Variants in ZNF236 observed in about 807,000 individuals in gnomAD.
ZNF236 encodes the protein zinc finger protein 236.
In ZNF236, 50 loss-of-function variants were observed where a neutral mutation model predicts 191.2. That is an observed-to-expected ratio of 0.26 (90% CI 0.21 to 0.33). The LOEUF (loss-of-function observed/expected upper bound fraction) is 0.33. Ranked by LOEUF, ZNF236 falls within the 10% of genes least tolerant of loss-of-function variation. The pLI is 1.00. For missense variants in ZNF236, 1,754 were observed against 2,374.5 expected (o/e 0.74, Z 5.43); for synonymous variants, 907 against 928.8 (o/e 0.98, Z 0.43).
intron 1 of ZNF236, among the ~76,000 whole-genome samples, chr18:76,832,107 T>G (rs1276008827): frequency 2.6e-5 from 4 of 152,364 alleles, no homozygotes; most frequent in African/African-American, 7.2e-5. Flanking sequence ...TGAGACAGGG[T>G]CTCGCTCTGT....
intron 3 of ZNF236, among the ~76,000 whole-genome samples, chr18:76,862,768 A>G (rs547721016): frequency 5.9e-5 from 9 of 152,162 alleles, no homozygotes; most frequent in African/African-American, 1.9e-4. Context: ...TGGTCCTTAC[A>G]CTGCATCTGA....
chr18:76,838,369 C>T (rs539730447), intron 1 of ZNF236, among the ~76,000 whole-genome samples: 17 of 152,268 alleles, frequency 1.1e-4, no homozygotes, highest in African/African-American at 4.1e-4. Flanking sequence ...TGCATGTAAA[C>T]CTTTAATGCC....
At chr18:76,923,272 T>G (rs1023178130) in intron 21 of ZNF236, 98 bp downstream of exon 21, 1 of 776,516 alleles carries the variant, frequency 1.3e-6, no homozygotes, top group African/African-American at 1.8e-5. Flanking sequence ...CTTTCCAAAT[T>G]ATAGAACGCT....
intron 3 of ZNF236, among the ~76,000 whole-genome samples, chr18:76,861,675 T>A (rs543128566): frequency 6.6e-6 from 1 of 152,334 alleles, no homozygotes; most frequent in South Asian, 2.1e-4. Context: ...TTCTTACCTT[T>A]AATTGTATTT....
Position 76,883,963 on chromosome 18 carries a change from G to T in ZNF236, c.1417+2451G>T, listed in dbSNP as rs1976972905. ...GCATACTCCGCCATGTAAAATTATT[G>T]CTTTTGATTTATTCACTTTTATCAG... On this transcript the variant is annotated intron_variant, in intron 9 of 30. Coordinates refer to ENST00000320610, the MANE Select transcript of ZNF236 (RefSeq NM_001306089.2). 2.0e-5 allele frequency among the ~76,000 whole-genome samples: 3 copies of T among 152,188 alleles called. No homozygotes were observed. The South Asian group carries it at 6.2e-4, about 32-fold the overall frequency.
intron 1 of ZNF236, among the ~76,000 whole-genome samples, chr18:76,824,885 C>G (rs1755132224): frequency 6.6e-6 from 1 of 152,196 alleles, no homozygotes; most frequent in Non-Finnish European, 1.5e-5. Flanking sequence ...GCAGGAGCCC[C>G]CTTCCTGGGC....
chr18:76,963,528 G>A (rs993024088), intron 30 of ZNF236, among the ~76,000 whole-genome samples: 1 of 152,084 alleles, frequency 6.6e-6, no homozygotes, highest in African/African-American at 2.4e-5. Context: ...ATAATGGTCT[G>A]TAGTTTTGTT....
At chr18:76,934,852 A>G (rs567707612) in intron 25 of ZNF236, among the ~76,000 whole-genome samples, 2 of 152,384 alleles carry the variant, frequency 1.3e-5, no homozygotes, top group East Asian at 3.8e-4. Context: ...AATTATTTTT[A>G]GAACCTTACA....
At chr18:76,898,745 A>T (rs1977506491) in intron 10 of ZNF236, among the ~76,000 whole-genome samples, 1 of 152,228 alleles carries the variant, frequency 6.6e-6, no homozygotes, top group Non-Finnish European at 1.5e-5. Context: ...GTTCTGAAGA[A>T]CTACTGTCCA....
chr18:76,842,980 T>C (rs1448399035), intron 1 of ZNF236, among the ~76,000 whole-genome samples: 1 of 152,184 alleles, frequency 6.6e-6, no homozygotes, highest in African/African-American at 2.4e-5. Context: ...AGCTCCTTCT[T>C]GGAAGAAAGC....
chr18:76,922,518 G>A (rs557049860), intron 20 of ZNF236, among the ~76,000 whole-genome samples: 4 of 150,898 alleles, frequency 2.7e-5, no homozygotes, highest in African/African-American at 9.7e-5. Context: ...TTTTCCTGCT[G>A]ATTTGATTTG....
chr18:76,942,658 C>T (rs1264902895), intron 26 of ZNF236, among the ~76,000 whole-genome samples: 1 of 151,116 alleles, frequency 6.6e-6, no homozygotes, highest in Non-Finnish European at 1.5e-5. Context: ...ACCACAGGCG[C>T]CCGCCACCAT....
chr18:76,822,941 C>G (rs1974900798), intron 1 of ZNF236, among the ~76,000 whole-genome samples: 1 of 148,140 alleles, frequency 6.8e-6, no homozygotes, highest in Non-Finnish European at 1.5e-5. Flanking sequence ...AGGGAGCAGG[C>G]GGCCGCCTCC....
At chr18:76,918,600 T>A (rs565112023) in intron 19 of ZNF236, among the ~76,000 whole-genome samples, 5 of 151,898 alleles carry the variant, frequency 3.3e-5, no homozygotes, top group South Asian at 4.2e-4. Context: ...TTTAAAAAAA[T>A]TTTTTTTTGT....
chr18:76,902,060 G>T (rs555144809), intron 11 of ZNF236, among the ~76,000 whole-genome samples: 61 of 152,312 alleles, frequency 4.0e-4, no homozygotes, highest in African/African-American at 1.4e-3. Flanking sequence ...GTTAAAATGG[G>T]ATATATTTTG....
intron 10 of ZNF236, among the ~76,000 whole-genome samples, chr18:76,897,168 G>A (rs1477286638): frequency 1.3e-5 from 2 of 150,508 alleles, no homozygotes. Flanking sequence ...CTGCACACAG[G>A]TACCAAACAG....
At chr18:76,930,111 AC>A (rs1161213805) in intron 25 of ZNF236, among the ~76,000 whole-genome samples, 1 of 152,246 alleles carries the variant, frequency 6.6e-6, no homozygotes, top group Non-Finnish European at 1.5e-5. Context: ...TGGGAACCAA[AC>A]AAGTGACATC....
intron 3 of ZNF236, among the ~76,000 whole-genome samples, chr18:76,857,453 A>G (rs1223246673): frequency 1.3e-5 from 2 of 152,196 alleles, no homozygotes; most frequent in Non-Finnish European, 2.9e-5. Context: ...CTTTGCTGCC[A>G]TGTGGGACCT....
chr18:76,825,601 C>G (rs570397155), intron 1 of ZNF236, among the ~76,000 whole-genome samples: 25 of 140,778 alleles, frequency 1.8e-4, no homozygotes, highest in Admixed American at 1.2e-3. Context: ...AAAATGAAAA[C>G]CATTCTTAAC....
Sources: allele counts gnomAD v4.1 joint callset (sites outside exome capture counted in the v4.1 genomes callset), GRCh38; gene constraint gnomAD v4.1.1; transcripts MANE v1.5; gene names NCBI Gene and HGNC (gene_info 2026-07-23, HGNC 2026-07-21).